The following POLD3 variants were observed in gnomAD, a reference collection of about 807,000 sequenced individuals.
The protein encoded by POLD3 is DNA polymerase delta 3, accessory subunit, also known as DNA polymerase delta subunit 3.
In POLD3, 19 loss-of-function variants were observed where a neutral mutation model predicts 58.2. That is an observed-to-expected ratio of 0.33 (90% CI 0.23 to 0.48). The LOEUF is 0.48. Among genes scored for constraint, POLD3 ranks in the 20% least tolerant of loss-of-function variants. The pLI is 0.99. For synonymous variants in POLD3, 172 were observed against 193.5 expected, an observed-to-expected ratio of 0.89 and a Z score of 0.92; for missense variants, 504 against 545.5, an observed-to-expected ratio of 0.92 and a Z score of 0.76.
Position 74,619,869 on chromosome 11 carries a change from C to A in POLD3, c.661-148C>A, listed in dbSNP as rs2032197413. Reference sequence around the variant, plus strand: ...TGTGGATTATTGTTCTAGATTTGTTCTTATATCTAACACCTACGCGTTTTG... The same window carrying A: ...TGTGGATTATTGTTCTAGATTTGTTATTATATCTAACACCTACGCGTTTTG... On this transcript the variant is annotated intron_variant, in intron 6 of 11. Transcript: ENST00000263681. 6.7e-6 allele frequency: 4 copies of A among 592,942 alleles called. No individual in the cohort carries two copies. The East Asian group carries it at 1.1e-4, about 16-fold the overall frequency. 36.7% of individuals were successfully genotyped at this position (592,942 alleles called of 1,614,324 possible). A position where few individuals can be genotyped will look rare whatever the true frequency, so the allele number is the denominator to read the frequency against.
chr11:74,641,717 T>G lies in POLD3; in HGVS notation c.*951T>G. On this transcript the variant is annotated 3_prime_UTR_variant, in exon 12 of 12. Coordinates refer to ENST00000263681, the MANE Select transcript of POLD3 (RefSeq NM_006591.3). ...ATTTCTCCTTAAGAAAACAGAATAT[T>G]CAAAAACAGCACTTTTCCAGGAAGT... 1.0e-6 allele frequency: 1 copy of G among 985,208 alleles called. No homozygotes were observed. The highest frequency in any genetic ancestry group is 1.2e-6 in the Non-Finnish European group (1 of 829,852). 61.0% of individuals were successfully genotyped at this position (985,208 alleles called of 1,614,324 possible). A position where few individuals can be genotyped will look rare whatever the true frequency, so the allele number is the denominator to read the frequency against.
At chr11:74,623,397 C>T (rs565112119) in intron 7 of POLD3, among the ~76,000 whole-genome samples, 7 of 152,170 alleles carry the variant, frequency 4.6e-5, no homozygotes, top group East Asian at 1.9e-4. Context: ...ATCACGCCAC[C>T]GCGCTCCAGC....
intron 6 of POLD3, among the ~76,000 whole-genome samples, chr11:74,619,601 C>T (rs2032188749): frequency 6.6e-6 from 1 of 152,112 alleles, no homozygotes; most frequent in Non-Finnish European, 1.5e-5. Context: ...AGTAATTTGC[C>T]TGGAGCCCAT....
chr11:74,654,799 G>T (rs1255312891), intron 4 of POLD3, among the ~76,000 whole-genome samples: 1 of 151,966 alleles, frequency 6.6e-6, no homozygotes, highest in Non-Finnish European at 1.5e-5. Context: ...CATGCCCGGG[G>T]TATTGAAAGA....
At chr11:74,621,710 G>A (rs1591306657) in intron 7 of POLD3, among the ~76,000 whole-genome samples, 1 of 152,024 alleles carries the variant, frequency 6.6e-6, no homozygotes, top group African/African-American at 2.4e-5. Context: ...TACTGAGAGA[G>A]ATGGACAAAT....
At chr11:74,618,466 T>C (rs888236412) in intron 5 of POLD3, 71 bp from the exon 6 acceptor site, 2 of 1,132,840 alleles carry the variant, frequency 1.8e-6, no homozygotes, top group African/African-American at 3.1e-5. Flanking sequence ...TAGTTTTTTT[T>C]TTCTTTTTTT....
In POLD3 at chr11:74,661,897, C is replaced by T. The variant is rs888183466; in HGVS notation, c.370-6880C>T. Among the ~76,000 whole-genome samples the T allele has an allele frequency of 7.2e-5, 11 of 152,214 alleles. No homozygotes were observed. The South Asian group carries it at 1.0e-3, about 14-fold the overall frequency. ...CTGTGGTTAAGCTGAACTCATGCTA[C>T]GAGACAAAGTCCTTTCTACTCTTCC... is the stretch of plus-strand genomic sequence containing the variant. On this transcript the variant is annotated intron_variant, in intron 4 of 4. Transcript: ENST00000524752.
At chr11:74,666,698 C>A (rs189066436) in intron 4 of POLD3, among the ~76,000 whole-genome samples, 95 of 152,208 alleles carry the variant, frequency 6.2e-4, no homozygotes, top group Non-Finnish European at 7.4e-4. Context: ...ATCAAAATCC[C>A]AGCTGGATTT....
At chr11:74,596,494 T>C (rs1443421380) in intron 2 of POLD3, among the ~76,000 whole-genome samples, 2 of 152,156 alleles carry the variant, frequency 1.3e-5, no homozygotes, top group Admixed American at 1.3e-4. Context: ...CCAAGATTTT[T>C]TAAATTGAGA....
intron 4 of POLD3, 47 bp from the exon 5 acceptor site, chr11:74,612,831 C>A (rs1427018776): frequency 1.9e-6 from 3 of 1,558,604 alleles, no homozygotes; most frequent in Admixed American, 3.8e-5. Flanking sequence ...TCCCCACATG[C>A]TATGAAGTTT....
At chr11:74,621,783 G>A (rs574320868) in intron 7 of POLD3, among the ~76,000 whole-genome samples, 157 of 152,206 alleles carry the variant, frequency 1.0e-3, no homozygotes, top group African/African-American at 3.1e-3. Flanking sequence ...TCGGGAGACC[G>A]AGGCAGGAGA....
chr11:74,593,144 T>C (rs1343418550), intron 1 of POLD3: 10 of 624,618 alleles, frequency 1.6e-5, no homozygotes, highest in Non-Finnish European at 2.0e-5. Flanking sequence ...TTCCTGGAAA[T>C]TTAAGCATTG....
intron 2 of POLD3, among the ~76,000 whole-genome samples, chr11:74,598,724 C>G (rs1344201348): frequency 6.6e-6 from 1 of 152,190 alleles, no homozygotes; most frequent in Non-Finnish European, 1.5e-5. Flanking sequence ...CCTGGGCTTT[C>G]TCACAGCCTG....
At chr11:74,634,858 C>G (rs534975689) in intron 10 of POLD3, among the ~76,000 whole-genome samples, 163 bp downstream of exon 10, 17 of 152,320 alleles carry the variant, frequency 1.1e-4, no homozygotes, top group African/African-American at 3.4e-4. Context: ...TGGGCGTTCC[C>G]TCCATTCTTA....
intron 2 of POLD3, among the ~76,000 whole-genome samples, chr11:74,601,729 A>G (rs2031506477): frequency 6.6e-6 from 1 of 152,142 alleles, no homozygotes; most frequent in Admixed American, 6.5e-5. Context: ...TCAAGGTTAT[A>G]GAGAGCTGCG....
intron 5 of POLD3, among the ~76,000 whole-genome samples, chr11:74,618,016 A>G (rs1274840978): frequency 6.6e-6 from 1 of 152,174 alleles, no homozygotes; most frequent in African/African-American, 2.4e-5. Flanking sequence ...AATGCGCCCA[A>G]CCCTACAGCA....
intron 4 of POLD3, among the ~76,000 whole-genome samples, chr11:74,666,797 G>A (rs957027345): frequency 6.6e-6 from 1 of 151,832 alleles, no homozygotes; most frequent in Admixed American, 6.6e-5. Context: ...TGAAAAAGAA[G>A]AACAAAAGTG....
chr11:74,610,631 CG>C (rs1037197247), intron 3 of POLD3, among the ~76,000 whole-genome samples: 6 of 145,796 alleles, frequency 4.1e-5, no homozygotes, highest in African/African-American at 1.1e-4. Flanking sequence ...TTTGTACTTA[CG>C]TTTTTTTTTC....
intron 3 of POLD3, among the ~76,000 whole-genome samples, chr11:74,606,075 A>C (rs2031664935): frequency 6.6e-6 from 1 of 152,200 alleles, no homozygotes; most frequent in South Asian, 2.1e-4. Context: ...ATATAAAATA[A>C]AACTGGAACG....
Sources: allele counts gnomAD v4.1 joint callset (sites outside exome capture counted in the v4.1 genomes callset), GRCh38; gene constraint gnomAD v4.1.1; transcripts MANE v1.5; gene names NCBI Gene and HGNC (gene_info 2026-07-23, HGNC 2026-07-21).